Variants in SLC36A3 observed in about 807,000 individuals in gnomAD.
The protein encoded by SLC36A3 is solute carrier family 36 member 3, also known as proton-coupled amino acid transporter 3.
A neutral mutation model predicts 44.3 loss-of-function variants in SLC36A3; 35 were observed. The ratio of observed to expected loss-of-function variants is 0.79; its 90% CI spans 0.60 to 1.05. SLC36A3 has a LOEUF of 1.05. SLC36A3 is among the 50% of genes least tolerant of loss of function. The probability of loss-of-function intolerance (pLI) is 0.00; values close to 1 mark genes in which losing one functional copy is unlikely to be tolerated. For synonymous variants in SLC36A3, 211 were observed against 227.6 expected (o/e 0.93, Z 0.66); for missense variants, 540 against 578.7 (o/e 0.93, Z 0.69).
At chr5:151,288,354 T>C (rs1580813484) in intron 5 of SLC36A3, 32 bp downstream of exon 5, 2 of 1,534,320 alleles carry the variant, frequency 1.3e-6, no homozygotes, top group Non-Finnish European at 1.8e-6. Flanking sequence ...GGTCTGCTTT[T>C]CCCCCACTCT....
At chr5:151,299,727 A>G (rs1017854952) in intron 1 of SLC36A3, among the ~76,000 whole-genome samples, 2 of 152,230 alleles carry the variant, frequency 1.3e-5, no homozygotes, top group Admixed American at 1.3e-4. Context: ...GTGTTTGGTT[A>G]CTACTTTGGG....
In SLC36A3 at chr5:151,276,607, A is replaced by G. The variant is rs1328904493; in HGVS notation, c.*786T>C. ...ATGGATATATATTTCTTTTTTCTGG[A>G]GTGGAATAGTTGGATCATATGGTAG... On this transcript the variant is annotated 3_prime_UTR_variant, in exon 10 of 10. Transcript: ENST00000335230. Among the ~76,000 whole-genome samples, 3 of 152,070 alleles carry G rather than the reference A, an allele frequency of 2.0e-5. No homozygotes were observed. Among genetic ancestry groups the G allele is most frequent in the Non-Finnish European group, 4.4e-5 (3 of 68,012 alleles).
At chr5:151,301,566 C>A (rs1755165437) in intron 1 of SLC36A3, among the ~76,000 whole-genome samples, 1 of 152,054 alleles carries the variant, frequency 6.6e-6, no homozygotes, top group Non-Finnish European at 1.5e-5. Context: ...ATCAGCACTC[C>A]CCACTTCCCA....
At chr5:151,283,792 T>C (rs1754420444) in intron 8 of SLC36A3, among the ~76,000 whole-genome samples, 1 of 152,254 alleles carries the variant, frequency 6.6e-6, no homozygotes, top group South Asian at 2.1e-4. Context: ...CTGCATCAGG[T>C]AGCACAGCAG....
At chr5:151,279,969 C>T (rs185842019) in intron 9 of SLC36A3, among the ~76,000 whole-genome samples, 1 of 152,270 alleles carries the variant, frequency 6.6e-6, no homozygotes, top group East Asian at 1.9e-4. Context: ...GGCAAAACAT[C>T]CCTTGTTGTT....
At chr5:151,287,581 G>T (rs1484125173) in intron 5 of SLC36A3, 117 bp from the exon 6 acceptor site, 1 of 904,372 alleles carries the variant, frequency 1.1e-6, no homozygotes, top group Non-Finnish European at 1.7e-6. Flanking sequence ...CCCAAATATT[G>T]CATAAGACAC....
In SLC36A3 at chr5:151,298,573, A is replaced by T. The variant is rs763946265; in HGVS notation, c.219+20T>A. ...CTGCAAATGAGCAAACCTAGTTCCC[A>T]TCCCACAGATGCCTCTTACCAACAA... On this transcript the variant is annotated intron_variant, in intron 2 of 9. Transcript: ENST00000335230. 25 of 1,613,552 alleles carry T rather than the reference A, an allele frequency of 1.5e-5. No homozygotes were observed. The highest frequency in any genetic ancestry group is 9.3e-6 in the Non-Finnish European group (11 of 1,179,500).
At position 151,276,723 on chromosome 5, in the gene SLC36A3, T is replaced by C. The variant is rs1241678905; in HGVS notation, c.*670A>G. The C allele has an allele frequency of 6.6e-6, 1 of 152,424 alleles. No individual in the cohort carries two copies. Among genetic ancestry groups the C allele is most frequent in the African/African-American group, 2.4e-5 (1 of 41,474 alleles). The allele number at this position is 152,424 out of a possible 1,614,324, so 9.4% of individuals were successfully genotyped here. ...ACATAGCAGGGTATGGAGTTTCAGT[T>C]ACTCCACCTCCTCACCAACACTAGC... On this transcript the variant is annotated 3_prime_UTR_variant, in exon 10 of 10. Transcript: ENST00000335230.
chr5:151,287,989 G>C (rs894583685), intron 5 of SLC36A3, among the ~76,000 whole-genome samples: 2 of 152,210 alleles, frequency 1.3e-5, no homozygotes, highest in African/African-American at 4.8e-5. Flanking sequence ...AAGAAAGAAG[G>C]CTGTGGTTGA....
intron 1 of SLC36A3, among the ~76,000 whole-genome samples, chr5:151,302,538 A>G (rs1382045891): frequency 8.8e-6 from 1 of 113,996 alleles, no homozygotes; most frequent in Non-Finnish European, 1.6e-5. Flanking sequence ...ACATGGACAC[A>G]GGGAGGAGAA....
At chr5:151,297,739 A>G (rs1021813103) in intron 2 of SLC36A3, 4 of 152,238 alleles carry the variant, frequency 2.6e-5, no homozygotes, top group African/African-American at 9.7e-5. Context: ...GAGATGGGCC[A>G]GTCACCTGAG....
chr5:151,296,142 G>A (rs928377917), intron 3 of SLC36A3, 38 bp downstream of exon 3: 30 of 1,602,890 alleles, frequency 1.9e-5, no homozygotes, highest in Non-Finnish European at 2.3e-5. Context: ...CCTCAGAGGG[G>A]CCCCAGTGCT....
At chr5:151,282,505 G>A (rs1754365169) in intron 8 of SLC36A3, among the ~76,000 whole-genome samples, 1 of 152,066 alleles carries the variant, frequency 6.6e-6, no homozygotes, top group Admixed American at 6.6e-5. Flanking sequence ...TTCCCTGCCA[G>A]TACACATAGA....
At chr5:151,294,692 C>A (rs919330923) in intron 3 of SLC36A3, among the ~76,000 whole-genome samples, 1 of 151,344 alleles carries the variant, frequency 6.6e-6, no homozygotes, top group Middle Eastern at 3.2e-3. Flanking sequence ...TGCAAGGGTG[C>A]GATCTCGGCT....
rs765070407 is a variant in SLC36A3, at chr5:151,298,683, C to T, written c.129G>A (p.Ser43=). 3 of 1,613,838 alleles carry T rather than the reference C, an allele frequency of 1.9e-6. No homozygotes were observed. The highest frequency in any genetic ancestry group is 1.1e-5 in the South Asian group (1 of 91,032). ...NVHPAGEAGL[S]MMQTLIHLLK... ...ACAAGTGGATCAAAGTTTGCATCAT[C>T]CTGTGGTGGGGAGAGTAGGGAGACA... The change falls in exon 2 of 10, where the codon TCG becomes TCA. Residue 43 remains serine, a splice_region_variant and synonymous_variant. Coordinates refer to ENST00000335230, the MANE Select transcript of SLC36A3 (RefSeq NM_181774.4).
chr5:151,299,225 G>GCTCGCGCTCT (rs1302695028), intron 1 of SLC36A3, among the ~76,000 whole-genome samples: 2 of 92,384 alleles, frequency 2.2e-5, no homozygotes, highest in Non-Finnish European at 4.1e-5. Flanking sequence ...TTGCTTGTGC[G>GCTCGCGCTCT]CTCTCTCTCT....
chr5:151,286,532 C>A (rs553998276), intron 6 of SLC36A3, among the ~76,000 whole-genome samples: 1 of 152,216 alleles, frequency 6.6e-6, no homozygotes, highest in East Asian at 1.9e-4. Context: ...GCTTAAGCAA[C>A]CCTCCCACCT....
Position 151,277,622 on chromosome 5 carries a change from A to G in SLC36A3, c.1184T>C (p.Ile395Thr), listed in dbSNP as rs556969662. ...GCTGCTCACGGAGCCTACCAGGGAG[A>G]TGACCAAGTCCAGGCGGGGGATGAG... ...AILIPRLDLV[I>T]SLVGSVSSSA... Residue 395 changes from isoleucine (I) to threonine (T), a missense_variant, in exon 10 of 10, where the codon ATC becomes ACC. Physicochemically the swap from Ile to Thr is moderately conservative, Grantham distance 89 (BLOSUM62 -1). Transcript: ENST00000335230. 6.2e-7 allele frequency: 1 copy of G among 1,614,144 alleles called. No homozygotes were observed. Among genetic ancestry groups the G allele is most frequent in the Admixed American group, 1.7e-5 (1 of 60,022 alleles).
intron 6 of SLC36A3, among the ~76,000 whole-genome samples, chr5:151,286,788 G>A (rs947414777): frequency 1.3e-5 from 2 of 152,042 alleles, no homozygotes; most frequent in African/African-American, 2.4e-5. Context: ...TAAATAATTT[G>A]GCACCAAGTA....
Sources: gnomAD v4.1 joint callset for allele counts (sites outside exome capture counted in the v4.1 genomes callset) on GRCh38, gnomAD v4.1.1 for gene constraint, MANE v1.5 for transcripts, NCBI Gene and HGNC (gene_info 2026-07-23, HGNC 2026-07-21) for gene names.